The following HERC1 variants were observed in gnomAD, a reference collection of about 807,000 sequenced individuals.
The protein encoded by HERC1 is probable E3 ubiquitin-protein ligase HERC1.
In HERC1, 160 loss-of-function variants were observed where a neutral mutation model predicts 554.3. The observed-to-expected ratio is 0.29, with a 90% CI of 0.25 to 0.33. The LOEUF (loss-of-function observed/expected upper bound fraction) is 0.33. Ranked by LOEUF, HERC1 falls within the 10% of genes least tolerant of loss-of-function variation. The pLI, the probability that HERC1 is intolerant of heterozygous loss-of-function variation, is 1.00. For synonymous variants in HERC1, 2,175 were observed against 2,131.7 expected, an observed-to-expected ratio of 1.02 and a Z score of -0.56; for missense variants, 4,919 against 5,918.5, an observed-to-expected ratio of 0.83 and a Z score of 5.54.
At position 63,692,563 on chromosome 15, in the gene HERC1, G is replaced by A. The variant is rs2072168490; in HGVS notation, c.5678C>T (p.Ala1893Val). ...GETEKKDFRAALRKQHAAELH... is the reference protein window; with the variant it reads ...GETEKKDFRAVLRKQHAAELH... ...TTCGGCTGCATGTTGTTTCCTAAGA[G>A]CAGCTACAGTGAAGAGACAAGTTTA... Residue 1893 changes from alanine to valine, a missense_variant, in exon 31 of 78, where the codon GCT becomes GTT. Transcript: ENST00000443617. The surrounding 1 kb of genome is among the most constrained non-coding windows in gnomAD (Gnocchi z 4.7). 2 of 1,603,708 alleles carry A rather than the reference G, an allele frequency of 1.2e-6. No individual in the cohort carries two copies. The highest frequency in any genetic ancestry group is 2.2e-5 in the East Asian group (1 of 44,644).
chr15:63,662,218 A>T (rs2152932688), intron 44 of HERC1, among the ~76,000 whole-genome samples, 197 bp from the exon 45 acceptor site: 1 of 152,110 alleles, frequency 6.6e-6, no homozygotes, highest in South Asian at 2.1e-4. Flanking sequence ...GCCCTCTCTC[A>T]CTCTAATAAG....
chr15:63,824,124 A>C (rs900545465), intron 1 of HERC1, among the ~76,000 whole-genome samples: 6 of 151,596 alleles, frequency 4.0e-5, no homozygotes, highest in African/African-American at 1.5e-4. Flanking sequence ...GGCAATTATC[A>C]AAGAGACAAG....
At chr15:63,827,438 C>T (rs2077981228) in intron 1 of HERC1, among the ~76,000 whole-genome samples, 1 of 151,132 alleles carries the variant, frequency 6.6e-6, no homozygotes, top group Non-Finnish European at 1.5e-5. Flanking sequence ...AAAAAAAAGA[C>T]CGAAGAAAAT....
Position 63,775,675 on chromosome 15 carries a change from C to A in HERC1, c.-26-26G>T, listed in dbSNP as rs1266348530. 3.0e-6 allele frequency: 4 copies of A among 1,347,378 alleles called. No individual in the cohort carries two copies. The highest frequency in any genetic ancestry group is 2.8e-5 in the South Asian group (2 of 71,730). The allele number at this position is 1,347,378 out of a possible 1,614,324, so 83.5% of individuals were successfully genotyped here. ...CTGCAAAGGGAGAAGAGAAAACAGTCAAAAACATACAGAGGACTCATAAAA... is the reference window on the plus strand; with the variant it reads ...CTGCAAAGGGAGAAGAGAAAACAGTAAAAAACATACAGAGGACTCATAAAA... On this transcript the variant is annotated intron_variant, in intron 1 of 77. Coordinates refer to ENST00000443617, the MANE Select transcript of HERC1 (RefSeq NM_003922.4). This position sits in a 1 kb window ranked among gnomAD's most constrained non-coding sequence, Gnocchi z 4.0.
intron 55 of HERC1, among the ~76,000 whole-genome samples, chr15:63,645,975 T>G (rs1022004212): frequency 6.6e-6 from 1 of 152,170 alleles, no homozygotes; most frequent in African/African-American, 2.4e-5. Flanking sequence ...TATCTCTCAT[T>G]AGCATTTGTA....
chr15:63,647,364 A>G (rs1007661553), intron 55 of HERC1, among the ~76,000 whole-genome samples: 7 of 152,144 alleles, frequency 4.6e-5, no homozygotes, highest in South Asian at 2.1e-4. Context: ...TGTCGGCAAG[A>G]AAGTGGTGAA....
At chr15:63,816,954 T>C (rs955982908) in intron 1 of HERC1, among the ~76,000 whole-genome samples, 4 of 151,970 alleles carry the variant, frequency 2.6e-5, no homozygotes, top group African/African-American at 9.7e-5. Context: ...AAATCACTCC[T>C]ATGAAGTACT....
intron 1 of HERC1, among the ~76,000 whole-genome samples, chr15:63,800,882 AAACC>A (rs3056822): frequency 0.15 from 23,066 of 151,994 alleles, 3,843 homozygotes; most frequent in East Asian, 0.89. Context: ...GTTGCCAGAG[AAACC>A]AACCAAGTGA....
intron 8 of HERC1, among the ~76,000 whole-genome samples, chr15:63,750,856 C>T (rs2075216428): frequency 6.6e-6 from 1 of 152,060 alleles, no homozygotes; most frequent in South Asian, 2.1e-4. Flanking sequence ...TCTCTTGAGC[C>T]CAGGAGGTAG....
chr15:63,707,479 A>G (rs1319353479), intron 24 of HERC1, among the ~76,000 whole-genome samples: 5 of 152,322 alleles, frequency 3.3e-5, no homozygotes, highest in African/African-American at 1.2e-4. Flanking sequence ...TGGTGGGGGG[A>G]TGTAGACAAC....
chr15:63,733,188 C>T (rs758175505), intron 13 of HERC1, 43 bp from the exon 14 acceptor site: 16 of 1,301,254 alleles, frequency 1.2e-5, no homozygotes, highest in South Asian at 2.4e-5. Context: ...GCGTAATATG[C>T]ACTAGAAAAG....
chr15:63,747,616 C>A, intron 11 of HERC1, 108 bp downstream of exon 11: 1 of 607,884 alleles, frequency 1.6e-6, no homozygotes, highest in Non-Finnish European at 2.6e-6. Flanking sequence ...TTTGGGAAAC[C>A]AAACAAGAAA....
intron 2 of HERC1, among the ~76,000 whole-genome samples, chr15:63,773,979 T>G (rs2076035864): frequency 6.6e-6 from 1 of 152,216 alleles, no homozygotes; most frequent in Admixed American, 6.5e-5. Context: ...AAGGTTATGA[T>G]AGTCAAATAA....
chr15:63,661,455 A>T (rs986278986), intron 45 of HERC1, among the ~76,000 whole-genome samples: 2 of 152,250 alleles, frequency 1.3e-5, no homozygotes, highest in Non-Finnish European at 2.9e-5. Context: ...GGTAGAAAAT[A>T]CAAATGAAAA....
intron 37 of HERC1, among the ~76,000 whole-genome samples, chr15:63,676,767 TAATAAAATCA>T (rs1158334570): frequency 6.6e-6 from 1 of 151,968 alleles, no homozygotes; most frequent in Non-Finnish European, 1.5e-5. Flanking sequence ...AAAAAATAAA[TAATAAAATCA>T]AATAAAATTT....
At chr15:63,826,796 A>ATATATAT (rs1400631812) in intron 1 of HERC1, among the ~76,000 whole-genome samples, 3 of 52,354 alleles carry the variant, frequency 5.7e-5, no homozygotes, top group Admixed American at 2.2e-4. Flanking sequence ...AAAAAAAAAA[A>ATATATAT]AAAAAAAAAA....
rs898694593 is a variant in HERC1 at position 63,756,270 on chromosome 15, A to C, written c.1533+167T>G. Among the ~76,000 whole-genome samples the C allele has an allele frequency of 2.3e-5, 1 of 43,000 alleles. No individual in the cohort carries two copies. The highest frequency in any genetic ancestry group is 7.7e-5 in the African/African-American group (1 of 12,984). The allele number at this position is 43,000 out of a possible 152,430, so 28.2% of individuals were successfully genotyped here. ...ATAAGAATATAAGAATTAAAATTCA[A>C]TAATGTATACAAAGGTGTTCTGTAA... On this transcript the variant is annotated intron_variant, in intron 5 of 77. Coordinates refer to ENST00000443617, the MANE Select transcript of HERC1 (RefSeq NM_003922.4). The surrounding 1 kb of genome is among the most constrained non-coding windows in gnomAD (Gnocchi z 5.0).
At chr15:63,710,349 T>C (rs935101177) in intron 24 of HERC1, among the ~76,000 whole-genome samples, 2 of 152,114 alleles carry the variant, frequency 1.3e-5, no homozygotes, top group African/African-American at 2.4e-5. Context: ...GGGGACCAGT[T>C]TGAAAATACC....
At chr15:63,693,493 C>T (rs2072240364) in intron 30 of HERC1, among the ~76,000 whole-genome samples, 1 of 152,138 alleles carries the variant, frequency 6.6e-6, no homozygotes, top group Non-Finnish European at 1.5e-5. Flanking sequence ...ATCCACCCAC[C>T]TTGGCCTCCC....
Sources: allele counts gnomAD v4.1 joint callset (sites outside exome capture counted in the v4.1 genomes callset), GRCh38; gene constraint gnomAD v4.1.1; non-coding constraint Gnocchi (gnomAD v3.1); transcripts MANE v1.5; gene names NCBI Gene and HGNC (gene_info 2026-07-23, HGNC 2026-07-21).